The following FRYL variants were observed in gnomAD, a reference collection of about 807,000 sequenced individuals.
FRYL encodes protein furry homolog-like.
In FRYL, 150 loss-of-function variants were observed where a neutral mutation model predicts 351.2. That is an observed-to-expected ratio of 0.43 (90% CI 0.37 to 0.49). The LOEUF is 0.49. Ranked by LOEUF, FRYL falls within the 20% of genes least tolerant of loss-of-function variation. The pLI is 0.00. For missense variants in FRYL, 3,036 were observed against 3,619.3 expected, an observed-to-expected ratio of 0.84 and a Z score of 4.13; for synonymous variants, 1,153 against 1,257.1, an observed-to-expected ratio of 0.92 and a Z score of 1.75.
At chr4:48,501,799 A>G (rs1416035816) in intron 61 of FRYL, 66 bp from the exon 62 acceptor site, 2 of 962,964 alleles carry the variant, frequency 2.1e-6, no homozygotes, top group African/African-American at 1.6e-5. Flanking sequence ...TCCAATGGAA[A>G]TTTATAGTTA....
At chr4:48,631,772 G>A (rs1244104508) in intron 4 of FRYL, among the ~76,000 whole-genome samples, 2 of 151,834 alleles carry the variant, frequency 1.3e-5, no homozygotes, top group African/African-American at 4.8e-5. Context: ...TTTGGAATGA[G>A]AATATATAAT....
intron 1 of FRYL, among the ~76,000 whole-genome samples, chr4:48,732,774 G>T (rs1394710663): frequency 4.6e-5 from 7 of 151,438 alleles, no homozygotes; most frequent in Non-Finnish European, 8.8e-5. Flanking sequence ...TGGAGCCTGT[G>T]GGGGGTGGGG....
At chr4:48,600,854 A>G (rs1317176294) in intron 13 of FRYL, among the ~76,000 whole-genome samples, 2 of 152,180 alleles carry the variant, frequency 1.3e-5, no homozygotes, top group African/African-American at 4.8e-5. Flanking sequence ...TGACATAAAG[A>G]GTTCAATCAG....
chr4:48,599,895 G>C (rs907257506), intron 13 of FRYL, among the ~76,000 whole-genome samples: 3 of 152,070 alleles, frequency 2.0e-5, no homozygotes, highest in African/African-American at 7.2e-5. Context: ...ATAACTTGAG[G>C]TCAGGAGTTT....
chr4:48,584,497 G>A (rs1741653685), intron 19 of FRYL, among the ~76,000 whole-genome samples: 1 of 152,196 alleles, frequency 6.6e-6, no homozygotes, highest in African/African-American at 2.4e-5. Flanking sequence ...GAAATAAACA[G>A]GGTCAAATGA....
chr4:48,702,955 T>C (rs1766930516), intron 2 of FRYL, among the ~76,000 whole-genome samples: 1 of 152,018 alleles, frequency 6.6e-6, no homozygotes, highest in Non-Finnish European at 1.5e-5. Flanking sequence ...TAGTGGGGGT[T>C]GGTGGAGAAG....
intron 10 of FRYL, 101 bp from the exon 11 acceptor site, chr4:48,605,934 A>C: frequency 1.4e-6 from 1 of 736,456 alleles, no homozygotes; most frequent in Non-Finnish European, 2.3e-6. Context: ...TTTTACCAAA[A>C]AACTAAGGTC....
At chr4:48,510,736 C>T (rs949431028) in intron 58 of FRYL, 99 bp downstream of exon 58, 2 of 956,608 alleles carry the variant, frequency 2.1e-6, no homozygotes, top group Non-Finnish European at 3.3e-6. Context: ...AAATACGAAC[C>T]TTTATACCAT....
intron 1 of FRYL, among the ~76,000 whole-genome samples, chr4:48,773,383 T>TA (rs1386021140): frequency 5.9e-5 from 9 of 152,280 alleles, no homozygotes; most frequent in African/African-American, 1.9e-4. Flanking sequence ...TTTTAACCAG[T>TA]AAGGGGCAAA....
At chr4:48,608,607 AG>A in intron 9 of FRYL, among the ~76,000 whole-genome samples, 1 of 152,346 alleles carries the variant, frequency 6.6e-6, no homozygotes, top group East Asian at 1.9e-4. Flanking sequence ...AAATATGATT[AG>A]AAAACACTGC....
At chr4:48,707,197 ATT>A (rs1767460313) in intron 2 of FRYL, among the ~76,000 whole-genome samples, 1 of 152,172 alleles carries the variant, frequency 6.6e-6, no homozygotes. Context: ...TTTTTTAATT[ATT>A]TTTATTTGCA....
chr4:48,693,604 A>G (rs1211570252), intron 2 of FRYL, among the ~76,000 whole-genome samples: 1 of 152,138 alleles, frequency 6.6e-6, no homozygotes, highest in East Asian at 1.9e-4. Context: ...GATACAACAA[A>G]ACAATAATTC....
chr4:48,533,520 T>C lies in FRYL; in HGVS notation c.6705+1025A>G, dbSNP rs559698759. Among the ~76,000 whole-genome samples, 13 of 152,170 alleles carry C rather than the reference T, an allele frequency of 8.5e-5. No homozygotes were observed. In the East Asian group the frequency reaches 1.9e-3, roughly 23 times the overall value. ...ACTTTCAGATATGAACTAGAATAAA[T>C]TCCTTGCCAGCTAAGTATTTCCCAT... On this transcript the variant is annotated intron_variant, in intron 49 of 63. Transcript: ENST00000358350.
At chr4:48,705,696 T>C (rs942322036) in intron 2 of FRYL, among the ~76,000 whole-genome samples, 18 of 152,176 alleles carry the variant, frequency 1.2e-4, no homozygotes, top group Non-Finnish European at 4.4e-5. Flanking sequence ...ATATGAAAGA[T>C]AATGAACTTA....
chr4:48,605,685 G>T, intron 11 of FRYL, 56 bp downstream of exon 11: 1 of 1,117,908 alleles, frequency 8.9e-7, no homozygotes, highest in Non-Finnish European at 1.4e-6. Flanking sequence ...AAAGTATAAG[G>T]TTGATAAGGT....
intron 3 of FRYL, among the ~76,000 whole-genome samples, chr4:48,673,741 C>T (rs763719643): frequency 7.2e-5 from 11 of 152,166 alleles, no homozygotes; most frequent in East Asian, 1.9e-4. Context: ...TTCTAGATAA[C>T]GACCTGTCTC....
intron 42 of FRYL, among the ~76,000 whole-genome samples, chr4:48,545,767 T>C (rs535579297): frequency 2.0e-5 from 3 of 152,294 alleles, no homozygotes; most frequent in East Asian, 3.9e-4. Flanking sequence ...GAGTAGACCA[T>C]AAATAAATAT....
At position 48,602,133 on chromosome 4, in the gene FRYL, G is replaced by A. The variant is rs755676901; in HGVS notation, c.934-12C>T. On this transcript the variant is annotated splice_polypyrimidine_tract_variant and intron_variant, in intron 12 of 63. Coordinates refer to ENST00000358350, the MANE Select transcript of FRYL (RefSeq NM_015030.2). ...AGTGGATATAAAGCCTATAGGAGAC[G>A]GGGAAAAGACAGAATTAACATTTTT... is the stretch of plus-strand genomic sequence containing the variant. 39 of 1,329,618 alleles carry A rather than the reference G, an allele frequency of 2.9e-5. No individual in the cohort carries two copies. The highest frequency in any genetic ancestry group is 1.7e-4 in the South Asian group (14 of 82,978). The allele number at this position is 1,329,618 out of a possible 1,614,324, so 82.4% of individuals were successfully genotyped here.
intron 27 of FRYL, among the ~76,000 whole-genome samples, chr4:48,568,939 C>T (rs1737549644): frequency 6.6e-6 from 1 of 152,154 alleles, no homozygotes; most frequent in South Asian, 2.1e-4. Flanking sequence ...TCCCTGTCTT[C>T]TTGGCATTCA....
Sources: gnomAD v4.1 joint callset for allele counts (sites outside exome capture counted in the v4.1 genomes callset) on GRCh38, gnomAD v4.1.1 for gene constraint, MANE v1.5 for transcripts, NCBI Gene and HGNC (gene_info 2026-07-23, HGNC 2026-07-21) for gene names.